FHOD3: variants seen among roughly 807,000 people sequenced by gnomAD.
FHOD3 encodes the protein FH1/FH2 domain-containing protein 3.
FHOD3 carries 90 observed loss-of-function variants against 173.0 expected under a neutral mutation model. The ratio of observed to expected loss-of-function variants is 0.52; its 90% CI spans 0.44 to 0.62. The LOEUF is 0.62. Ranked by LOEUF, FHOD3 falls within the 20% of genes least tolerant of loss-of-function variation. The pLI, the probability that FHOD3 is intolerant of heterozygous loss-of-function variation, is 0.00. For synonymous variants in FHOD3, 828 were observed against 823.0 expected, an observed-to-expected ratio of 1.01 and a Z score of -0.10; for missense variants, 1,945 against 2,034.7, an observed-to-expected ratio of 0.96 and a Z score of 0.85.
chr18:36,328,914 C>T (rs2145160955), intron 1 of FHOD3, among the ~76,000 whole-genome samples: 1 of 152,264 alleles, frequency 6.6e-6, no homozygotes, highest in Middle Eastern at 3.4e-3. Context: ...ATTCCAAGTA[C>T]AGATGTCAAA....
At chr18:36,576,400 T>A in intron 5 of FHOD3, 51 bp from the exon 6 acceptor site, 1 of 1,345,306 alleles carries the variant, frequency 7.4e-7, no homozygotes, top group Non-Finnish European at 1.1e-6. Context: ...CACTGAAGAT[T>A]ATATTTCTAT....
chr18:36,436,703 A>G (rs2050827868), intron 3 of FHOD3, among the ~76,000 whole-genome samples: 1 of 152,214 alleles, frequency 6.6e-6, no homozygotes. Flanking sequence ...GTATGGTAGT[A>G]GCTACTGATT....
At chr18:36,644,511 G>A (rs1453719415) in intron 10 of FHOD3, among the ~76,000 whole-genome samples, 3 of 152,162 alleles carry the variant, frequency 2.0e-5, no homozygotes, top group African/African-American at 7.2e-5. Flanking sequence ...CTGGACGTAG[G>A]CCCTCCAAGT....
At chr18:36,381,185 G>A (rs530805189) in intron 3 of FHOD3, among the ~76,000 whole-genome samples, 161 of 152,340 alleles carry the variant, frequency 1.1e-3, no homozygotes, top group African/African-American at 3.6e-3. Flanking sequence ...TTGCCTAAGT[G>A]AAGTTTCAGC....
At chr18:36,550,673 A>G (rs1330682886) in intron 5 of FHOD3, among the ~76,000 whole-genome samples, 1 of 152,144 alleles carries the variant, frequency 6.6e-6, no homozygotes, top group Non-Finnish European at 1.5e-5. Context: ...GTAATTCATC[A>G]ATAAGTATTT....
intron 10 of FHOD3, among the ~76,000 whole-genome samples, chr18:36,641,288 T>C (rs752470249): frequency 2.0e-5 from 3 of 152,198 alleles, no homozygotes; most frequent in Non-Finnish European, 4.4e-5. Flanking sequence ...AAGCTTGATA[T>C]ATCAGTAGAC....
chr18:36,306,624 G>C (rs2092106782), intron 1 of FHOD3, among the ~76,000 whole-genome samples: 1 of 152,172 alleles, frequency 6.6e-6, no homozygotes, highest in Non-Finnish European at 1.5e-5. Context: ...TGCCATTCAG[G>C]GCAAACTCCA....
At chr18:36,560,762 C>T (rs1398012237) in intron 5 of FHOD3, among the ~76,000 whole-genome samples, 1 of 151,382 alleles carries the variant, frequency 6.6e-6, no homozygotes, top group Non-Finnish European at 1.5e-5. Context: ...TGCAGCACAG[C>T]CTTGCAGTAG....
At chr18:36,483,570 T>A (rs2054041710) in intron 3 of FHOD3, among the ~76,000 whole-genome samples, 1 of 152,162 alleles carries the variant, frequency 6.6e-6, no homozygotes, top group Non-Finnish European at 1.5e-5. Context: ...TATTCCAAGG[T>A]GAACAAAACC....
intron 3 of FHOD3, among the ~76,000 whole-genome samples, chr18:36,456,738 G>A (rs564661859): frequency 5.5e-4 from 84 of 152,164 alleles, no homozygotes; most frequent in Admixed American, 1.8e-3. Context: ...ACTGCACCAA[G>A]CTTCTGGAGA....
chr18:36,687,615 C>T (rs1436197809), intron 16 of FHOD3, among the ~76,000 whole-genome samples: 2 of 152,158 alleles, frequency 1.3e-5, no homozygotes, highest in South Asian at 2.1e-4. Context: ...GGTCACTTAC[C>T]TGTCTCCCTA....
intron 3 of FHOD3, among the ~76,000 whole-genome samples, chr18:36,479,995 T>C (rs1254314674): frequency 6.6e-6 from 1 of 152,230 alleles, no homozygotes; most frequent in African/African-American, 2.4e-5. Context: ...CAGAACTAGC[T>C]GTTAAAACAA....
intron 2 of FHOD3, among the ~76,000 whole-genome samples, chr18:36,366,585 T>G (rs977406843): frequency 2.0e-5 from 3 of 152,058 alleles, no homozygotes; most frequent in African/African-American, 7.2e-5. Context: ...AGAGTCGATG[T>G]TTTTCTACCT....
At position 36,463,597 on chromosome 18, in the gene FHOD3, C is replaced by G. The variant is rs370545869; in HGVS notation, c.338-38335C>G. Among the ~76,000 whole-genome samples the G allele has an allele frequency of 7.5e-5, 11 of 146,938 alleles. 1 individual carries two copies. Among genetic ancestry groups the G allele is most frequent in the Admixed American group, 3.4e-4 (5 of 14,594 alleles). ...TACTGCAACCTCTGTCTCCCTGCCT[C>G]AAGCAATCATCCCACCTCAGCCTCC... is the stretch of plus-strand genomic sequence containing the variant. On this transcript the variant is annotated intron_variant, in intron 3 of 28. Transcript: ENST00000590592.
intron 6 of FHOD3, among the ~76,000 whole-genome samples, chr18:36,580,348 C>CT (rs1211792941): frequency 1.3e-5 from 2 of 152,146 alleles, no homozygotes; most frequent in Non-Finnish European, 2.9e-5. Context: ...AAAGGCAGGT[C>CT]TAGAATAGTC....
chr18:36,377,242 G>C (rs1750305448), intron 3 of FHOD3, among the ~76,000 whole-genome samples: 4 of 152,152 alleles, frequency 2.6e-5, no homozygotes, highest in Admixed American at 1.3e-4. Flanking sequence ...GTGAATCTGA[G>C]CATGACTTCT....
At chr18:36,691,748 C>G (rs1350302854) in intron 16 of FHOD3, among the ~76,000 whole-genome samples, 1 of 152,224 alleles carries the variant, frequency 6.6e-6, no homozygotes, top group Non-Finnish European at 1.5e-5. Flanking sequence ...CCTCAGCATC[C>G]TGGGCTGCAG....
intron 5 of FHOD3, among the ~76,000 whole-genome samples, chr18:36,540,729 G>A (rs943204814): frequency 9.2e-5 from 14 of 152,102 alleles, no homozygotes; most frequent in Admixed American, 2.0e-4. Context: ...AAGGAAGAAG[G>A]TGGAAGTCCC....
chr18:36,315,849 G>C (rs2044089820), intron 1 of FHOD3, among the ~76,000 whole-genome samples: 1 of 152,070 alleles, frequency 6.6e-6, no homozygotes, highest in African/African-American at 2.4e-5. Context: ...ATGTAATTTT[G>C]GTTACCTGAT....
Sources: gnomAD v4.1 joint callset for allele counts (sites outside exome capture counted in the v4.1 genomes callset) on GRCh38, gnomAD v4.1.1 for gene constraint, MANE v1.5 for transcripts, NCBI Gene and HGNC (gene_info 2026-07-23, HGNC 2026-07-21) for gene names.